Variants in KLHL3 observed in about 807,000 individuals in gnomAD.
KLHL3 encodes the protein kelch-like protein 3.
KLHL3 carries 19 observed loss-of-function variants against 70.5 expected under a neutral mutation model. The observed-to-expected ratio is 0.27, with a 90% CI of 0.19 to 0.40. The LOEUF (loss-of-function observed/expected upper bound fraction) is 0.40. Ranked by LOEUF, KLHL3 falls within the 10% of genes least tolerant of loss-of-function variation. KLHL3 has a pLI of 1.00. For missense variants in KLHL3, 512 were observed against 771.1 expected, an observed-to-expected ratio of 0.66 and a Z score of 3.98; for synonymous variants, 258 against 290.3, an observed-to-expected ratio of 0.89 and a Z score of 1.13.
intron 8 of KLHL3, among the ~76,000 whole-genome samples, chr5:137,649,498 T>G (rs1322244083): frequency 2.6e-5 from 4 of 152,212 alleles, no homozygotes; most frequent in African/African-American, 9.6e-5. Context: ...AAGCCTGAAA[T>G]AACTGCACCC....
Position 137,679,636 on chromosome 5 carries a change from C to A in KLHL3, c.527-1982G>T, listed in dbSNP as rs190354458. On this transcript the variant is annotated intron_variant, in intron 5 of 14. Coordinates refer to ENST00000309755, the MANE Select transcript of KLHL3 (RefSeq NM_017415.3). ...TATACATTCTAGGTGATGTGGGGAA[C>A]AAATTAGAAATCCTTAGAGATAAAT... Among the ~76,000 whole-genome samples, 127 of 152,258 alleles carry A rather than the reference C, an allele frequency of 8.3e-4. 1 individual carries two copies. The highest frequency in any genetic ancestry group is 5.9e-5 in the Non-Finnish European group (4 of 68,020).
At position 137,669,492 on chromosome 5, in the gene KLHL3, T is replaced by G. The variant is rs902843023; in HGVS notation, c.637-7461A>C. On this transcript the variant is annotated intron_variant, in intron 6 of 14. Coordinates refer to ENST00000309755, the MANE Select transcript of KLHL3 (RefSeq NM_017415.3). ...AGATAACCAAAAATGATGAAAAAATTAAAACGGTAACATCACTTGGCCTGG... is the reference window on the plus strand; with the variant it reads ...AGATAACCAAAAATGATGAAAAAATGAAAACGGTAACATCACTTGGCCTGG... Among the ~76,000 whole-genome samples the G allele has an allele frequency of 5.2e-3, 785 of 151,560 alleles. 5 individuals carry two copies. The highest frequency in any genetic ancestry group is 9.3e-3 in the Non-Finnish European group (626 of 67,462).
At chr5:137,720,703 A>G in intron 1 of KLHL3, 119 bp from the exon 2 acceptor site, 1 of 1,535,140 alleles carries the variant, frequency 6.5e-7, no homozygotes, top group Non-Finnish European at 8.7e-7. Context: ...GCCTGTTCTC[A>G]CACAGACCCA....
chr5:137,630,755 T>C (rs1750614528), intron 12 of KLHL3, among the ~76,000 whole-genome samples: 1 of 151,988 alleles, frequency 6.6e-6, no homozygotes, highest in South Asian at 2.1e-4. Flanking sequence ...AGGGAAGGGA[T>C]TTGCCCAAGG....
In KLHL3 at chr5:137,620,473, A is replaced by G. The variant is rs920828167; in HGVS notation, c.*1625T>C. The G allele has an allele frequency of 3.3e-5, 5 of 152,228 alleles. No homozygotes were observed. Among genetic ancestry groups the G allele is most frequent in the Admixed American group, 6.5e-5 (1 of 15,284 alleles). The allele number at this position is 152,228 out of a possible 1,614,324, so 9.4% of individuals were successfully genotyped here. A position where few individuals can be genotyped will look rare whatever the true frequency, so the allele number is the denominator to read the frequency against. On this transcript the variant is annotated 3_prime_UTR_variant, in exon 15 of 15. Coordinates refer to ENST00000309755, the MANE Select transcript of KLHL3 (RefSeq NM_017415.3). ...TATCAGAAGTCCAACATCAGGATTT[A>G]TAAAGTTCCTTGGCTTCCTGTAGGT...
In KLHL3 at chr5:137,658,267, T is replaced by G. The variant is rs1328257623; in HGVS notation, c.767A>C (p.Glu256Ala). ...RDYLVQTVEE[E>A]ALIKNNNTCK... is the part of the protein sequence containing the mutation. ...GGTGTTGTTATTCTTTATCAAAGCTTCTTCTTCAACCGTCTAGAGGTAATA... is the reference window on the plus strand; with the variant it reads ...GGTGTTGTTATTCTTTATCAAAGCTGCTTCTTCAACCGTCTAGAGGTAATA... Residue 256 changes from glutamate (E) to alanine (A), a missense_variant, in exon 8 of 15, where the codon GAA becomes GCA. Transcript: ENST00000309755. 2 of 1,614,004 alleles carry G rather than the reference T, an allele frequency of 1.2e-6. No individual in the cohort carries two copies. The highest frequency in any genetic ancestry group is 2.2e-5 in the East Asian group (1 of 44,876).
intron 1 of KLHL3, among the ~76,000 whole-genome samples, chr5:137,724,429 T>C (rs745394977): frequency 6.6e-5 from 10 of 152,244 alleles, no homozygotes; most frequent in Non-Finnish European, 1.2e-4. Flanking sequence ...CTTTCCAGAA[T>C]GGTCCAATAA....
At chr5:137,691,614 CT>C (rs34825035) in intron 5 of KLHL3, among the ~76,000 whole-genome samples, 116,593 of 143,290 alleles carry the variant, frequency 0.81, 47,742 homozygotes, top group East Asian at 0.98. Context: ...TAGTACGTGA[CT>C]TTTTTTTTTT....
In KLHL3 at chr5:137,622,015, G is replaced by T; in HGVS notation, c.*83C>A. On this transcript the variant is annotated 3_prime_UTR_variant, in exon 15 of 15. Coordinates refer to ENST00000309755, the MANE Select transcript of KLHL3 (RefSeq NM_017415.3). Reference sequence around the variant, plus strand: ...CAGCACAGACCCTCCCAAGCAAGTTGAATCCAGTCACCAAGGTCCTGCTGT... The same window carrying T: ...CAGCACAGACCCTCCCAAGCAAGTTTAATCCAGTCACCAAGGTCCTGCTGT... The T allele has an allele frequency of 6.9e-7, 1 of 1,456,400 alleles. No homozygotes were observed. The highest frequency in any genetic ancestry group is 9.6e-7 in the Non-Finnish European group (1 of 1,036,328). The allele number at this position is 1,456,400 out of a possible 1,614,324, so 90.2% of individuals were successfully genotyped here. A position where few individuals can be genotyped will look rare whatever the true frequency, so the allele number is the denominator to read the frequency against.
At chr5:137,634,246 C>A in intron 11 of KLHL3, 81 bp from the exon 12 acceptor site, 1 of 1,455,212 alleles carries the variant, frequency 6.9e-7, no homozygotes, top group Non-Finnish European at 9.2e-7. Flanking sequence ...TATCTGCAAC[C>A]AACTGGGGCA....
At chr5:137,701,808 G>C in intron 3 of KLHL3, among the ~76,000 whole-genome samples, 1 of 152,192 alleles carries the variant, frequency 6.6e-6, no homozygotes, top group Admixed American at 6.5e-5. Flanking sequence ...GCCCTTCCAT[G>C]TTTGTGGTCA....
rs140561989 is a variant in KLHL3, at chr5:137,681,579, G to T, written c.527-3925C>A. Among the ~76,000 whole-genome samples the T allele has an allele frequency of 1.3e-3, 204 of 152,268 alleles. 5 individuals are homozygous for T. In the Middle Eastern group the frequency reaches 0.024, roughly 18 times the overall value. ...ATGAGGAGCTCTGCAGGCTCTTGGA[G>T]ATGCAATGGAGAGGCAGACAAGGCT... On this transcript the variant is annotated intron_variant, in intron 5 of 14. Coordinates refer to ENST00000309755, the MANE Select transcript of KLHL3 (RefSeq NM_017415.3).
intron 8 of KLHL3, chr5:137,647,531 C>T (rs766245352): frequency 8.5e-6 from 4 of 471,878 alleles, no homozygotes; most frequent in Non-Finnish European, 1.8e-5. Flanking sequence ...GAATGCATGT[C>T]CAAACTCTCT....
Position 137,620,994 on chromosome 5 carries a change from C to T in KLHL3, c.*1104G>A, listed in dbSNP as rs7444370. 15,510 of 152,298 alleles carry T rather than the reference C, an allele frequency of 0.1. 1,642 individuals are homozygous for T. Among genetic ancestry groups the T allele is most frequent in the African/African-American group, 0.27 (11,291 of 41,512 alleles). 9.4% of individuals were successfully genotyped at this position (152,298 alleles called of 1,614,324 possible). On this transcript the variant is annotated 3_prime_UTR_variant, in exon 15 of 15. Coordinates refer to ENST00000309755, the MANE Select transcript of KLHL3 (RefSeq NM_017415.3). ...ATCCAATGTCCATCTGAATCACACA[C>T]GACCCCATCCAACACAGGCACAAAT... is the stretch of plus-strand genomic sequence containing the variant.
At chr5:137,629,557 C>T (rs1750576298) in intron 12 of KLHL3, 1 of 152,240 alleles carries the variant, frequency 6.6e-6, no homozygotes. Flanking sequence ...GACTTGTAGA[C>T]TATAACTCCA....
chr5:137,636,511 T>C (rs1750770202), intron 11 of KLHL3, among the ~76,000 whole-genome samples: 1 of 152,222 alleles, frequency 6.6e-6, no homozygotes. Context: ...AACTCCTACC[T>C]ACTGGCATTT....
chr5:137,734,091 G>C (rs1753223355), intron 1 of KLHL3, among the ~76,000 whole-genome samples: 1 of 152,162 alleles, frequency 6.6e-6, no homozygotes, highest in Non-Finnish European at 1.5e-5. Flanking sequence ...ACAGAACTGG[G>C]AACACAGTGC....
intron 1 of KLHL3, among the ~76,000 whole-genome samples, chr5:137,721,713 G>A (rs1753000455): frequency 6.6e-6 from 1 of 152,232 alleles, no homozygotes; most frequent in South Asian, 2.1e-4. Context: ...GGTTGAAGCA[G>A]GAGGACTGCT....
At chr5:137,644,707 T>G (rs1751000107) in intron 8 of KLHL3, among the ~76,000 whole-genome samples, 1 of 152,222 alleles carries the variant, frequency 6.6e-6, no homozygotes. Flanking sequence ...CAGAACCTGA[T>G]AGTTTCACTG....
Sources: gnomAD v4.1 joint callset for allele counts (sites outside exome capture counted in the v4.1 genomes callset) on GRCh38, gnomAD v4.1.1 for gene constraint, MANE v1.5 for transcripts, NCBI Gene and HGNC (gene_info 2026-07-23, HGNC 2026-07-21) for gene names.